TRMT6: variants seen among roughly 807,000 people sequenced by gnomAD.
TRMT6 encodes tRNA (adenine(58)-N(1))-methyltransferase non-catalytic subunit TRM6.
A neutral mutation model predicts 59.0 loss-of-function variants in TRMT6; 34 were observed. That is an observed-to-expected ratio of 0.58 (90% CI 0.44 to 0.77). The LOEUF (loss-of-function observed/expected upper bound fraction) is 0.77, where lower values mean the gene tolerates loss of function less well. Among genes scored for constraint, TRMT6 ranks in the 30% least tolerant of loss-of-function variants. The probability of loss-of-function intolerance (pLI) is 0.00; values close to 1 mark genes in which losing one functional copy is unlikely to be tolerated. For synonymous variants in TRMT6, 217 were observed against 210.5 expected (o/e 1.03, Z -0.27); for missense variants, 575 against 604.5 (o/e 0.95, Z 0.51).
intron 10 of TRMT6, 126 bp from the exon 11 acceptor site, chr20:5,938,852 TTTC>T: frequency 1.2e-6 from 1 of 807,890 alleles, no homozygotes; most frequent in Non-Finnish European, 1.9e-6. Flanking sequence ...GACATTTTTT[TTTC>T]TTTCTTTTCT....
chr20:5,946,410 A>AG lies in TRMT6; in HGVS notation c.251dup (p.Ala85CysfsTer4). On this transcript the variant is annotated frameshift_variant, in exon 2 of 11. Coordinates refer to ENST00000203001, the MANE Select transcript of TRMT6 (RefSeq NM_015939.5). LOFTEE classifies it high-confidence loss of function. ...TCACGCATCCAAAATGTGCACCTGC[A>AG]GTAGGCTCTTCCCTCTTCTTCTTGG... 6.2e-7 allele frequency: 1 copy of AG among 1,614,162 alleles called. No individual in the cohort carries two copies. The highest frequency in any genetic ancestry group is 8.5e-7 in the Non-Finnish European group (1 of 1,180,026).
chr20:5,948,576 A>G lies in TRMT6; in HGVS notation c.128+1702T>C, dbSNP rs80233134. ...AAAAGGGGAAGGTCAACTACTGTTC[A>G]TGCCTGTAATCCCAGCACTTTGGGA... On this transcript the variant is annotated intron_variant, in intron 1 of 10. Transcript: ENST00000203001. Among the ~76,000 whole-genome samples the G allele has an allele frequency of 8.9e-3, 1,352 of 152,294 alleles. 15 individuals carry two copies. Among genetic ancestry groups the G allele is most frequent in the African/African-American group, 0.028 (1,179 of 41,564 alleles).
chr20:5,946,595 T>C (rs1316567089), intron 1 of TRMT6, 62 bp from the exon 2 acceptor site: 9 of 1,510,688 alleles, frequency 6.0e-6, no homozygotes, highest in Non-Finnish European at 8.2e-6. Flanking sequence ...AAAAGACATG[T>C]TCACTACAGT....
At chr20:5,943,877 T>A in intron 5 of TRMT6, 71 bp downstream of exon 5, 4 of 1,559,732 alleles carry the variant, frequency 2.6e-6, no homozygotes, top group Non-Finnish European at 3.5e-6. Context: ...CTTTTTCATT[T>A]TACTTAAAAT....
rs758478206 is a variant in TRMT6 at position 5,938,692 on chromosome 20, A to G, written c.1337T>C (p.Met446Thr). 1 of 1,614,204 alleles carries G rather than the reference A, an allele frequency of 6.2e-7. No homozygotes were observed. Among genetic ancestry groups the G allele is most frequent in the Admixed American group, 1.7e-5 (1 of 60,024 alleles). The change falls in exon 11 of 11, where the codon ATG becomes ACG. Residue 446 changes from methionine (M) to threonine (T), a missense_variant. Transcript: ENST00000203001. ...GAGAAGATAACCCCCACCTCCACTC[A>G]TCAGCAGTTTAGGATGACTTCGATC... ...LPDRSHPKLL[M>T]SGGGGYLLSG... is the part of the protein sequence containing the mutation.
In TRMT6 at chr20:5,948,059, G is replaced by A. The variant is rs545620807; in HGVS notation, c.129-1526C>T. ...TGCTTGAGCCCAAGAGGCAGTGGTT[G>A]CAGTGAGCCAAGTTCACGCCACTAC... is the stretch of plus-strand genomic sequence containing the variant. On this transcript the variant is annotated intron_variant, in intron 1 of 10. Transcript: ENST00000203001. Among the ~76,000 whole-genome samples, 38 of 152,208 alleles carry A rather than the reference G, an allele frequency of 2.5e-4. No homozygotes were observed. In the South Asian group the frequency reaches 5.2e-3, roughly 21 times the overall value.
intron 2 of TRMT6, 83 bp downstream of exon 2, chr20:5,946,323 A>G: frequency 9.0e-6 from 14 of 1,554,028 alleles, no homozygotes; most frequent in Non-Finnish European, 1.2e-5. Context: ...AGCATGGCCT[A>G]GCACTTGGGA....
Position 5,944,145 on chromosome 20 carries a change from A to G in TRMT6, c.458+17T>C. The G allele has an allele frequency of 7.0e-7, 1 of 1,428,330 alleles. No individual in the cohort carries two copies. Among genetic ancestry groups the G allele is most frequent in the Non-Finnish European group, 9.5e-7 (1 of 1,057,400 alleles). The allele number at this position is 1,428,330 out of a possible 1,614,324, so 88.5% of individuals were successfully genotyped here. A position where few individuals can be genotyped will look rare whatever the true frequency, so the allele number is the denominator to read the frequency against. On this transcript the variant is annotated intron_variant, in intron 4 of 10. Coordinates refer to ENST00000203001, the MANE Select transcript of TRMT6 (RefSeq NM_015939.5). ...GAAGTTTAATATTGTGGGCCTTTTAAAATAAAAACTACTTACTTTTTTTTC... is the reference window on the plus strand; with the variant it reads ...GAAGTTTAATATTGTGGGCCTTTTAGAATAAAAACTACTTACTTTTTTTTC...
At chr20:5,943,751 C>T in intron 5 of TRMT6, 68 bp from the exon 6 acceptor site, 2 of 1,565,264 alleles carry the variant, frequency 1.3e-6, no homozygotes, top group Non-Finnish European at 1.7e-6. Context: ...CATCATTTTT[C>T]AAGTTTTGTT....
intron 1 of TRMT6, among the ~76,000 whole-genome samples, chr20:5,949,504 T>C (rs981321680): frequency 6.6e-6 from 1 of 152,226 alleles, no homozygotes; most frequent in Admixed American, 6.5e-5. Flanking sequence ...TTTACTTCTA[T>C]AAAACAGAGC....
intron 10 of TRMT6, among the ~76,000 whole-genome samples, chr20:5,939,116 C>T (rs1568557016): frequency 6.6e-6 from 1 of 152,100 alleles, no homozygotes; most frequent in Non-Finnish European, 1.5e-5. Flanking sequence ...AATGGACCAA[C>T]TTCTAAGGAC....
chr20:5,943,412 C>T, intron 6 of TRMT6, 147 bp downstream of exon 6: 2 of 1,023,456 alleles, frequency 2.0e-6, no homozygotes, highest in Non-Finnish European at 2.9e-6. Context: ...TAAGAAGGTC[C>T]CCATGCTAGG....
At position 5,941,403 on chromosome 20, in the gene TRMT6, T is replaced by C. The variant is rs1568557922; in HGVS notation, c.1113-58A>G. On this transcript the variant is annotated intron_variant, in intron 8 of 10. Transcript: ENST00000203001. ...TACACCCTCAAAGTGGAGCACAGGT[T>C]TTAAAATGCATTTAAAATGATCATG... The C allele has an allele frequency of 6.5e-6, 8 of 1,228,480 alleles. No individual in the cohort carries two copies. In the East Asian group the frequency reaches 1.9e-4, roughly 29 times the overall value. The allele number at this position is 1,228,480 out of a possible 1,614,324, so 76.1% of individuals were successfully genotyped here.
chr20:5,942,326 T>C (rs1394308298), intron 7 of TRMT6, 102 bp downstream of exon 7: 1 of 1,019,228 alleles, frequency 9.8e-7, no homozygotes, highest in South Asian at 1.3e-5. Flanking sequence ...AGTTATCATC[T>C]TGGGAGCTAA....
chr20:5,939,085 G>A (rs539220899), intron 10 of TRMT6, among the ~76,000 whole-genome samples: 3 of 152,184 alleles, frequency 2.0e-5, no homozygotes, highest in East Asian at 1.9e-4. Flanking sequence ...TTACAGATAC[G>A]AGCCACGGCA....
intron 1 of TRMT6, among the ~76,000 whole-genome samples, chr20:5,947,344 T>C (rs1408162298): frequency 2.6e-5 from 4 of 152,224 alleles, no homozygotes; most frequent in Admixed American, 2.0e-4. Flanking sequence ...CTGGGAATCA[T>C]GTGGTGGTTA....
Position 5,941,323 on chromosome 20 carries a change from G to A in TRMT6, c.1135C>T (p.His379Tyr). 1 of 1,614,016 alleles carries A rather than the reference G, an allele frequency of 6.2e-7. No individual in the cohort carries two copies. The highest frequency in any genetic ancestry group is 8.5e-7 in the Non-Finnish European group (1 of 1,179,994). ...AAAGACAGCAGCAGGGGAGTGGGGT[G>A]GAAACGACTAGCTACAATTAAACTG... ...ADGLIVASRF[H>Y]PTPLLLSLLD... The change falls in exon 9 of 11, where the codon CAC (histidine) becomes TAC (tyrosine). Residue 379 changes from histidine (H) to tyrosine (Y), a missense_variant. Transcript: ENST00000203001.
At chr20:5,945,201 T>C (rs1205741794) in intron 2 of TRMT6, among the ~76,000 whole-genome samples, 1 of 152,232 alleles carries the variant, frequency 6.6e-6, no homozygotes, top group Middle Eastern at 3.2e-3. Flanking sequence ...TGGCTTCCCA[T>C]AGCAATAAGA....
chr20:5,939,889 G>T (rs1296953592), intron 10 of TRMT6, among the ~76,000 whole-genome samples: 1 of 152,156 alleles, frequency 6.6e-6, no homozygotes, highest in Non-Finnish European at 1.5e-5. Flanking sequence ...CAGCATGGAG[G>T]TGCTCCCCTC....
Sources: allele counts gnomAD v4.1 joint callset (sites outside exome capture counted in the v4.1 genomes callset), GRCh38; gene constraint gnomAD v4.1.1; transcripts MANE v1.5; gene names NCBI Gene and HGNC (gene_info 2026-07-23, HGNC 2026-07-21).